The following CCND2 variants were observed in gnomAD, a reference collection of about 807,000 sequenced individuals.
CCND2 encodes the protein G1/S-specific cyclin-D2.
Under a neutral mutation model 30.2 loss-of-function variants are expected in CCND2, and 6 were observed. The observed-to-expected ratio is 0.20, with a 90% CI of 0.11 to 0.39. The LOEUF (loss-of-function observed/expected upper bound fraction) is 0.39, where lower values mean the gene tolerates loss of function less well. Among genes scored for constraint, CCND2 ranks in the 10% least tolerant of loss-of-function variants. The pLI is 1.00. For missense variants in CCND2, 235 were observed against 373.4 expected (o/e 0.63, Z 3.06); for synonymous variants, 150 against 153.1 (o/e 0.98, Z 0.15).
In CCND2 at chr12:4,285,890, G is replaced by A. The variant is rs536739725; in HGVS notation, c.572-2952G>A. 5.3e-5 allele frequency among the ~76,000 whole-genome samples: 8 copies of A among 152,312 alleles called. No homozygotes were observed. In the East Asian group the frequency reaches 7.7e-4, roughly 15 times the overall value. On this transcript the variant is annotated intron_variant, in intron 3 of 4. Coordinates refer to ENST00000261254, the MANE Select transcript of CCND2 (RefSeq NM_001759.4). The surrounding 1 kb of genome is among the most constrained non-coding windows in gnomAD (Gnocchi z 4.1). The stretch of plus-strand genomic sequence containing the variant: ...CCTGGTGCCACGGGGAAGTAGCGCC[G>A]CTCTGTGGAGAGGGCTGCTTTGTGA...
At chr12:4,279,106 G>A (rs1044853648) in intron 3 of CCND2, among the ~76,000 whole-genome samples, 187 bp downstream of exon 3, 43 of 152,242 alleles carry the variant, frequency 2.8e-4, no homozygotes, top group Non-Finnish European at 3.8e-4. Flanking sequence ...TTATATATTC[G>A]CTTTCTCTGC....
At position 4,299,737 on chromosome 12, in the gene CCND2, C is replaced by T; in HGVS notation, c.721-123C>T. The T allele has an allele frequency of 1.0e-6, 1 of 996,112 alleles. No homozygotes were observed. The allele number at this position is 996,112 out of a possible 1,614,324, so 61.7% of individuals were successfully genotyped here. ...CTTTAAGAACATCCCTCCTTTACTTCACATTTATTTCTACTGGAAACTAGC... is the reference window on the plus strand; with the variant it reads ...CTTTAAGAACATCCCTCCTTTACTTTACATTTATTTCTACTGGAAACTAGC... On this transcript the variant is annotated intron_variant, in intron 4 of 4. Transcript: ENST00000261254. This position sits in a 1 kb window ranked among gnomAD's most constrained non-coding sequence, Gnocchi z 5.2.
chr12:4,284,685 G>A (rs1162276331), intron 3 of CCND2, among the ~76,000 whole-genome samples: 4 of 150,586 alleles, frequency 2.7e-5, no homozygotes, highest in Non-Finnish European at 5.9e-5. Context: ...TCTGAGAAGT[G>A]TCTCAAATGC....
In CCND2 at chr12:4,302,474, T is replaced by TC. The variant is rs1386668004; in HGVS notation, c.*2469dup. 3 of 232,776 alleles carry TC rather than the reference T, an allele frequency of 1.3e-5. No individual in the cohort carries two copies. Among genetic ancestry groups the TC allele is most frequent in the African/African-American group, 6.6e-5 (3 of 45,284 alleles). The allele number at this position is 232,776 out of a possible 1,614,324, so 14.4% of individuals were successfully genotyped here. ...AAGTTTTTCCCCTCCGTCTTTCCCC[T>TC]CCCCTGGCATGGACACCTTGTGTTT... On this transcript the variant is annotated 3_prime_UTR_variant, in exon 5 of 5. Transcript: ENST00000261254.
rs1309989465 is a variant in CCND2 at position 4,273,969 on chromosome 12, CA to C, written c.-66del. On this transcript the variant is annotated 5_prime_UTR_variant, in exon 1 of 5. Transcript: ENST00000261254. The surrounding 1 kb of genome is among the most constrained non-coding windows in gnomAD (Gnocchi z 5.9). ...AGGGGAACGCTCTCCCCTCCCCTTCCAAAAAACAAAAACAGAAAAACCTTTT... is the reference window on the plus strand; with the variant it reads ...AGGGGAACGCTCTCCCCTCCCCTTCCAAAAACAAAAACAGAAAAACCTTTT... 33 of 1,488,490 alleles carry C rather than the reference CA, an allele frequency of 2.2e-5. No individual in the cohort carries two copies. Among genetic ancestry groups the C allele is most frequent in the Non-Finnish European group, 2.9e-5 (32 of 1,105,776 alleles). The allele number at this position is 1,488,490 out of a possible 1,614,324, so 92.2% of individuals were successfully genotyped here.
In CCND2 at chr12:4,293,634, T is replaced by C. The variant is rs1864128600; in HGVS notation, c.720+4644T>C. On this transcript the variant is annotated intron_variant, in intron 4 of 4. Transcript: ENST00000261254. The surrounding 1 kb of genome is among the most constrained non-coding windows in gnomAD (Gnocchi z 4.9). ...CTTCCTTAGGGTCATCCTGGCATTT[T>C]ACGGTCCTGGTTATCAATGAGCTAT... Among the ~76,000 whole-genome samples, 1 of 152,210 alleles carries C rather than the reference T, an allele frequency of 6.6e-6. No homozygotes were observed. The highest frequency in any genetic ancestry group is 2.1e-4 in the South Asian group (1 of 4,832).
At position 4,303,544 on chromosome 12, in the gene CCND2, C is replaced by A. The variant is rs1864279084; in HGVS notation, c.*3535C>A. 4.3e-6 allele frequency: 1 copy of A among 233,536 alleles called. No homozygotes were observed. The highest frequency in any genetic ancestry group is 8.5e-6 in the Non-Finnish European group (1 of 118,070). The allele number at this position is 233,536 out of a possible 1,614,324, so 14.5% of individuals were successfully genotyped here. A position where few individuals can be genotyped will look rare whatever the true frequency, so the allele number is the denominator to read the frequency against. ...TTGTTTTTTTCTCCATCAGTGGGGG[C>A]CGAGTTGTTCCCCCAGCCTGCCAAA... On this transcript the variant is annotated 3_prime_UTR_variant, in exon 5 of 5. Coordinates refer to ENST00000261254, the MANE Select transcript of CCND2 (RefSeq NM_001759.4). The surrounding 1 kb of genome is among the most constrained non-coding windows in gnomAD (Gnocchi z 4.6).
At position 4,274,258 on chromosome 12, in the gene CCND2, C is replaced by T. The variant is rs1200771124; in HGVS notation, c.195+23C>T. 6.2e-7 allele frequency: 1 copy of T among 1,611,322 alleles called. No individual in the cohort carries two copies. The stretch of plus-strand genomic sequence containing the variant: ...GAGGTAGGTCGGGGGGTGGCGCTCG[C>T]CAGGAGCCAGGACCCCTCCGGATGC... On this transcript the variant is annotated intron_variant, in intron 1 of 4. Coordinates refer to ENST00000261254, the MANE Select transcript of CCND2 (RefSeq NM_001759.4). The surrounding 1 kb of genome is among the most constrained non-coding windows in gnomAD (Gnocchi z 7.7).
Position 4,299,774 on chromosome 12 carries a change from CA to C in CCND2, c.721-84del. The C allele has an allele frequency of 7.6e-7, 1 of 1,312,022 alleles. No homozygotes were observed. Among genetic ancestry groups the C allele is most frequent in the Non-Finnish European group, 1.1e-6 (1 of 941,040 alleles). 81.3% of individuals were successfully genotyped at this position (1,312,022 alleles called of 1,614,324 possible). A position where few individuals can be genotyped will look rare whatever the true frequency, so the allele number is the denominator to read the frequency against. On this transcript the variant is annotated intron_variant, in intron 4 of 4. Coordinates refer to ENST00000261254, the MANE Select transcript of CCND2 (RefSeq NM_001759.4). This position sits in a 1 kb window ranked among gnomAD's most constrained non-coding sequence, Gnocchi z 5.2. ...TACTGGAAACTAGCACAGACTTATG[CA>C]AGCTAAATTACGCATGTTTTCTCCG... is the stretch of plus-strand genomic sequence containing the variant.
Position 4,299,284 on chromosome 12 carries a change from C to T in CCND2, c.721-576C>T, listed in dbSNP as rs370146342. Among the ~76,000 whole-genome samples, 51 of 152,248 alleles carry T rather than the reference C, an allele frequency of 3.3e-4. No homozygotes were observed. The highest frequency in any genetic ancestry group is 1.0e-3 in the African/African-American group (43 of 41,554). On this transcript the variant is annotated intron_variant, in intron 4 of 4. Coordinates refer to ENST00000261254, the MANE Select transcript of CCND2 (RefSeq NM_001759.4). This position sits in a 1 kb window ranked among gnomAD's most constrained non-coding sequence, Gnocchi z 5.2. ...CTGAGGCAGGAGAATCGCTTGAACCCGGAAGGTGGAGGTTGCAGTGAGCCG... is the reference window on the plus strand; with the variant it reads ...CTGAGGCAGGAGAATCGCTTGAACCTGGAAGGTGGAGGTTGCAGTGAGCCG...
chr12:4,304,583 G>A lies in CCND2; in HGVS notation c.*4574G>A, dbSNP rs749613994. 2.1e-5 allele frequency: 5 copies of A among 233,564 alleles called. No homozygotes were observed. Among genetic ancestry groups the A allele is most frequent in the Non-Finnish European group, 4.2e-5 (5 of 118,040 alleles). 14.5% of individuals were successfully genotyped at this position (233,564 alleles called of 1,614,324 possible). A position where few individuals can be genotyped will look rare whatever the true frequency, so the allele number is the denominator to read the frequency against. On this transcript the variant is annotated 3_prime_UTR_variant, in exon 5 of 5. Transcript: ENST00000261254. This position sits in a 1 kb window ranked among gnomAD's most constrained non-coding sequence, Gnocchi z 6.2. ...CCAGAATGGTCATTTCAGGCACAAC[G>A]ATACTACATTCGTGTGTGTCTGCTT...
In CCND2 at chr12:4,276,520, G is replaced by A. The variant is rs1863876724; in HGVS notation, c.411+300G>A. ...CAATTGTGTATGCATGTGTGTAGGG[G>A]ACGCATGGAATATTTTAATTAACAG... On this transcript the variant is annotated intron_variant, in intron 2 of 4. Transcript: ENST00000261254. This position sits in a 1 kb window ranked among gnomAD's most constrained non-coding sequence, Gnocchi z 4.8. Among the ~76,000 whole-genome samples, 1 of 152,200 alleles carries A rather than the reference G, an allele frequency of 6.6e-6. No individual in the cohort carries two copies. The highest frequency in any genetic ancestry group is 6.5e-5 in the Admixed American group (1 of 15,282).
rs1214775296 is a variant in CCND2, at chr12:4,287,551, A to G, written c.572-1291A>G. On this transcript the variant is annotated intron_variant, in intron 3 of 4. Transcript: ENST00000261254. The surrounding 1 kb of genome is among the most constrained non-coding windows in gnomAD (Gnocchi z 4.0). ...AACGAGAAAGAGTACGCTTTGGAAGACTTGCTGCACTCCAGGACCGTCACT... is the reference window on the plus strand; with the variant it reads ...AACGAGAAAGAGTACGCTTTGGAAGGCTTGCTGCACTCCAGGACCGTCACT... Among the ~76,000 whole-genome samples, 1 of 152,156 alleles carries G rather than the reference A, an allele frequency of 6.6e-6. No homozygotes were observed. The highest frequency in any genetic ancestry group is 1.5e-5 in the Non-Finnish European group (1 of 68,032).
At chr12:4,289,846 T>G (rs1243799550) in intron 4 of CCND2, among the ~76,000 whole-genome samples, 1 of 152,144 alleles carries the variant, frequency 6.6e-6, no homozygotes, top group African/African-American at 2.4e-5. Flanking sequence ...GTGGCTGAGC[T>G]GGGGCTAGAA....
chr12:4,280,033 A>G lies in CCND2; in HGVS notation c.571+1114A>G, dbSNP rs891766251. Reference sequence around the variant, plus strand: ...CAGTCAAAAAGTCAGGCTTTGCTGCATATCAGTGAGTGACCTTTAATTGGC... The same window carrying G: ...CAGTCAAAAAGTCAGGCTTTGCTGCGTATCAGTGAGTGACCTTTAATTGGC... On this transcript the variant is annotated intron_variant, in intron 3 of 4. Transcript: ENST00000261254. 7.9e-5 allele frequency among the ~76,000 whole-genome samples: 12 copies of G among 151,576 alleles called. 3 individuals carry two copies. Among genetic ancestry groups the G allele is most frequent in the Admixed American group, 6.6e-4 (10 of 15,216 alleles).
Position 4,301,353 on chromosome 12 carries a change from GTT to G in CCND2, c.*1356_*1357del, listed in dbSNP as rs34524099. 1,782 of 214,992 alleles carry G rather than the reference GTT, an allele frequency of 8.3e-3. 2 individuals are homozygous for G. The highest frequency in any genetic ancestry group is 0.02 in the Middle Eastern group (13 of 658). 13.3% of individuals were successfully genotyped at this position (214,992 alleles called of 1,614,324 possible). On this transcript the variant is annotated 3_prime_UTR_variant, in exon 5 of 5. Coordinates refer to ENST00000261254, the MANE Select transcript of CCND2 (RefSeq NM_001759.4). The stretch of plus-strand genomic sequence containing the variant: ...GGTGTGGCATTTTGTTCCCTTTTCC[GTT>G]TTTTTTTTTTTATTGTTGTTGTTAA...
Position 4,282,662 on chromosome 12 carries a change from G to C in CCND2, c.571+3743G>C, listed in dbSNP as rs998696555. 1.3e-5 allele frequency among the ~76,000 whole-genome samples: 2 copies of C among 152,198 alleles called. No individual in the cohort carries two copies. The highest frequency in any genetic ancestry group is 3.9e-4 in the East Asian group (2 of 5,192). On this transcript the variant is annotated intron_variant, in intron 3 of 4. Transcript: ENST00000261254. This position sits in a 1 kb window ranked among gnomAD's most constrained non-coding sequence, Gnocchi z 4.3. ...GTGGGGACAAGCAGCCAGGCAGTGT[G>C]GTGCTTGCCATCGCTCTTCCCTCTG... is the stretch of plus-strand genomic sequence containing the variant.
rs2120607344 is a variant in CCND2 at position 4,304,989 on chromosome 12, CT to C, written c.*4984del. ...TTTCTTGTCTTGGACTTTTTTTTTT[CT>C]TTTCTTTTTCTTTTTTTTTTTGCTT... On this transcript the variant is annotated 3_prime_UTR_variant, in exon 5 of 5. Transcript: ENST00000261254. This position sits in a 1 kb window ranked among gnomAD's most constrained non-coding sequence, Gnocchi z 6.2. The C allele has an allele frequency of 4.6e-6, 1 of 216,288 alleles. No individual in the cohort carries two copies. Among genetic ancestry groups the C allele is most frequent in the South Asian group, 2.0e-4 (1 of 4,890 alleles). The allele number at this position is 216,288 out of a possible 1,614,324, so 13.4% of individuals were successfully genotyped here.
chr12:4,304,037 G>C lies in CCND2; in HGVS notation c.*4028G>C, dbSNP rs1218203188. 2 of 233,214 alleles carry C rather than the reference G, an allele frequency of 8.6e-6. No individual in the cohort carries two copies. The highest frequency in any genetic ancestry group is 1.7e-5 in the Non-Finnish European group (2 of 118,088). The allele number at this position is 233,214 out of a possible 1,614,324, so 14.4% of individuals were successfully genotyped here. A position where few individuals can be genotyped will look rare whatever the true frequency, so the allele number is the denominator to read the frequency against. On this transcript the variant is annotated 3_prime_UTR_variant, in exon 5 of 5. Coordinates refer to ENST00000261254, the MANE Select transcript of CCND2 (RefSeq NM_001759.4). The surrounding 1 kb of genome is among the most constrained non-coding windows in gnomAD (Gnocchi z 6.2). Reference sequence around the variant, plus strand: ...GTCTAGCACCTCTAGGGCCTCTCCAGACTGTGCCCTGGGAGCTCTGGGACT... The same window carrying C: ...GTCTAGCACCTCTAGGGCCTCTCCACACTGTGCCCTGGGAGCTCTGGGACT...
Sources: allele counts gnomAD v4.1 joint callset (sites outside exome capture counted in the v4.1 genomes callset), GRCh38; gene constraint gnomAD v4.1.1; non-coding constraint Gnocchi (gnomAD v3.1); transcripts MANE v1.5; gene names NCBI Gene and HGNC (gene_info 2026-07-23, HGNC 2026-07-21).